Variants in CDH20 observed in about 807,000 individuals in gnomAD.
CDH20 encodes cadherin-20.
Under a neutral mutation model 74.2 loss-of-function variants are expected in CDH20, and 29 were observed. The ratio of observed to expected loss-of-function variants is 0.39; its 90% CI spans 0.29 to 0.53. The LOEUF (loss-of-function observed/expected upper bound fraction) is 0.53. Ranked by LOEUF, CDH20 falls within the 20% of genes least tolerant of loss-of-function variation. CDH20 has a pLI of 0.69. For missense variants in CDH20, 988 were observed against 1,048.3 expected (o/e 0.94, Z 0.79); for synonymous variants, 469 against 405.4 (o/e 1.16, Z -1.88).
Position 61,550,208 on chromosome 18 carries a change from G to A in CDH20, c.1879G>A (p.Ala627Thr), listed in dbSNP as rs542150773. 3.2e-5 allele frequency: 52 copies of A among 1,613,552 alleles called. No homozygotes were observed. The highest frequency in any genetic ancestry group is 7.7e-5 in the South Asian group (7 of 91,080). Residue 627 changes from alanine (A) to threonine (T), a missense_variant, in exon 11 of 12, where the codon GCC (alanine) becomes ACC (threonine). Transcript: ENST00000262717. ...CCGGGGCGCCCTCATTGCCATCCTC[G>A]CCTGCATCTTTGTCCTCTTAGGTGA... ...LSRGALIAIL[A>T]CIFVLLVLVL... is the part of the protein sequence containing the mutation.
chr18:61,438,553 T>C (rs1374674975), intron 1 of CDH20, among the ~76,000 whole-genome samples: 2 of 152,010 alleles, frequency 1.3e-5, no homozygotes, highest in Non-Finnish European at 2.9e-5. Flanking sequence ...AAAACCACAA[T>C]GAGATATCTC....
intron 1 of CDH20, among the ~76,000 whole-genome samples, chr18:61,428,562 T>A (rs916391448): frequency 1.3e-5 from 2 of 152,138 alleles, no homozygotes; most frequent in African/African-American, 4.8e-5. Flanking sequence ...CTGTAGAAGA[T>A]CCCCATCAAC....
At chr18:61,518,690 C>A (rs1282499192) in intron 6 of CDH20, among the ~76,000 whole-genome samples, 1 of 151,280 alleles carries the variant, frequency 6.6e-6, no homozygotes, top group Non-Finnish European at 1.5e-5. Context: ...GCTGAAAATT[C>A]CAAAAACCAG....
At chr18:61,405,107 C>A in intron 1 of CDH20, 1 of 653,422 alleles carries the variant, frequency 1.5e-6, no homozygotes, top group Admixed American at 1.8e-5. Context: ...TCTTCAGAGT[C>A]TGCTTGTACC....
chr18:61,506,400 T>C (rs993686081), intron 5 of CDH20, among the ~76,000 whole-genome samples: 1 of 152,216 alleles, frequency 6.6e-6, no homozygotes, highest in African/African-American at 2.4e-5. Context: ...TGCTGTGAGC[T>C]GGCTGGGTGC....
chr18:61,402,329 CT>C (rs1308975911), intron 1 of CDH20, among the ~76,000 whole-genome samples: 1 of 152,098 alleles, frequency 6.6e-6, no homozygotes, highest in East Asian at 1.9e-4. Flanking sequence ...AGCAAATTCT[CT>C]GATAAGATTT....
intron 1 of CDH20, among the ~76,000 whole-genome samples, chr18:61,393,844 C>G (rs972681228): frequency 6.6e-6 from 1 of 152,158 alleles, no homozygotes; most frequent in Non-Finnish European, 1.5e-5. Flanking sequence ...TGTTTATATA[C>G]ATAGTGTAAC....
intron 1 of CDH20, among the ~76,000 whole-genome samples, chr18:61,436,617 T>A (rs184375254): frequency 1.1e-3 from 175 of 152,260 alleles, no homozygotes; most frequent in Non-Finnish European, 1.9e-3. Context: ...TGTGTTTACA[T>A]TTGAGAGTCA....
rs145420160 is a variant in CDH20, at chr18:61,491,994, C to T, written c.246+1195C>T. On this transcript the variant is annotated intron_variant, in intron 2 of 11. Transcript: ENST00000262717. ...CACACACTCATTCCCTGGGTGGACT[C>T]GCCACCTCTGCAGTTTTGAATGCCA... Among the ~76,000 whole-genome samples the T allele has an allele frequency of 4.3e-4, 66 of 152,170 alleles. 1 individual carries two copies. In the East Asian group the frequency reaches 6.2e-3, roughly 14 times the overall value.
Position 61,450,067 on chromosome 18 carries a change from C to A in CDH20, c.-152-40335C>A, listed in dbSNP as rs1019265994. Reference sequence around the variant, plus strand: ...TCTTTGAGGCATATTTTAGTAGCAGCAGCAGCAGCAGCATCCTATTCTGTA... The same window carrying A: ...TCTTTGAGGCATATTTTAGTAGCAGAAGCAGCAGCAGCATCCTATTCTGTA... On this transcript the variant is annotated intron_variant, in intron 1 of 11. Transcript: ENST00000262717. 1.4e-4 allele frequency among the ~76,000 whole-genome samples: 22 copies of A among 152,114 alleles called. No homozygotes were observed. The East Asian group carries it at 2.3e-3, about 16-fold the overall frequency.
At chr18:61,367,455 A>G (rs1283536453) in intron 1 of CDH20, among the ~76,000 whole-genome samples, 1 of 152,148 alleles carries the variant, frequency 6.6e-6, no homozygotes, top group Non-Finnish European at 1.5e-5. Context: ...TGTACTTCAC[A>G]AGTCTAAAAT....
intron 1 of CDH20, among the ~76,000 whole-genome samples, chr18:61,437,996 A>T (rs1908892777): frequency 6.6e-6 from 1 of 152,184 alleles, no homozygotes; most frequent in African/African-American, 2.4e-5. Context: ...GGATTTGAGC[A>T]GTACAGCAAA....
intron 1 of CDH20, among the ~76,000 whole-genome samples, chr18:61,445,309 A>G (rs1459032316): frequency 6.6e-6 from 1 of 152,042 alleles, no homozygotes; most frequent in African/African-American, 2.4e-5. Flanking sequence ...ATTTACACAA[A>G]AAAAATCCAC....
rs746850806 is a variant in CDH20 at position 61,554,407 on chromosome 18, G to A, written c.2118G>A (p.Glu706=). 14 of 1,612,996 alleles carry A rather than the reference G, an allele frequency of 8.7e-6. No individual in the cohort carries two copies. The highest frequency in any genetic ancestry group is 1.2e-5 in the Non-Finnish European group (14 of 1,179,728). ...GGCAGGACATGCTGCCCGAGATCGA[G>A]AGCCTCTCCCGCTACGTGCCTCAGA... ...KTRQDMLPEI[E]SLSRYVPQTC... The change falls in exon 12 of 12, where the codon GAG becomes GAA. Residue 706 remains glutamate (E), a synonymous_variant. Coordinates refer to ENST00000262717, the MANE Select transcript of CDH20 (RefSeq NM_031891.4).
intron 1 of CDH20, among the ~76,000 whole-genome samples, chr18:61,336,521 C>A (rs773330175): frequency 6.6e-6 from 1 of 152,202 alleles, no homozygotes; most frequent in Non-Finnish European, 1.5e-5. Flanking sequence ...ATCAAGAGAG[C>A]CACTGAAAAG....
At chr18:61,548,269 T>G (rs1243015821) in intron 10 of CDH20, among the ~76,000 whole-genome samples, 1 of 152,214 alleles carries the variant, frequency 6.6e-6, no homozygotes, top group Non-Finnish European at 1.5e-5. Context: ...TTAATATTAC[T>G]AAACTAAATA....
At position 61,499,362 on chromosome 18, in the gene CDH20, G is replaced by A. The variant is rs369126362; in HGVS notation, c.423G>A (p.Thr141=). Residue 141 remains threonine (T), a synonymous_variant, in exon 3 of 12, where the codon ACG becomes ACA. Coordinates refer to ENST00000262717, the MANE Select transcript of CDH20 (RefSeq NM_031891.4). ...TLRAQALDRR[T]GRPMEPESEF... ...GGGCTCAAGCCCTAGACAGGCGGAC[G>A]GGCAGGCCAATGGAGCCCGAGTCAG... 15 of 1,613,994 alleles carry A rather than the reference G, an allele frequency of 9.3e-6. No homozygotes were observed. The highest frequency in any genetic ancestry group is 5.5e-5 in the South Asian group (5 of 91,060).
At chr18:61,503,185 C>T (rs538139363) in intron 5 of CDH20, 65 bp downstream of exon 5, 19 of 1,230,578 alleles carry the variant, frequency 1.5e-5, no homozygotes, top group Middle Eastern at 2.1e-4. Context: ...TGCAGAGGTG[C>T]GGGAGAAAGC....
intron 1 of CDH20, among the ~76,000 whole-genome samples, chr18:61,338,549 A>G (rs975789681): frequency 2.0e-5 from 3 of 152,226 alleles, no homozygotes; most frequent in African/African-American, 4.8e-5. Context: ...AGATCATAAA[A>G]GAGAGGTTAT....
Sources: allele counts gnomAD v4.1 joint callset (sites outside exome capture counted in the v4.1 genomes callset), GRCh38; gene constraint gnomAD v4.1.1; transcripts MANE v1.5; gene names NCBI Gene and HGNC (gene_info 2026-07-23, HGNC 2026-07-21).